The following ARSF variants were observed in gnomAD, a reference collection of about 807,000 sequenced individuals.
ARSF encodes arylsulfatase F.
ARSF carries 33 observed loss-of-function variants against 35.4 expected under a neutral mutation model. That is an observed-to-expected ratio of 0.93 (90% CI 0.71 to 1.25). ARSF has a LOEUF of 1.25. ARSF is among the 50% of genes most tolerant of loss of function. The pLI is 0.00. For missense variants in ARSF, 501 were observed against 480.2 expected (o/e 1.04, Z -0.40); for synonymous variants, 222 against 193.1 (o/e 1.15, Z -1.24).
intron 4 of ARSF, among the ~76,000 whole-genome samples, chrX:3,079,233 C>T (rs1309387014): frequency 9.0e-6 from 1 of 111,413 alleles, no homozygotes; most frequent in Non-Finnish European, 1.9e-5. Context: ...TATGAACATA[C>T]ATGTACAAGT....
chrX:3,078,897 A>G (rs762872384), intron 4 of ARSF, among the ~76,000 whole-genome samples: 1 of 110,697 alleles, frequency 9.0e-6, no homozygotes, highest in South Asian at 3.9e-4. Flanking sequence ...CATTTCCATC[A>G]CCCACAAAGG....
At chrX:3,096,630 G>A (rs1317612200) in intron 7 of ARSF, among the ~76,000 whole-genome samples, 1 of 111,777 alleles carries the variant, frequency 8.9e-6, no homozygotes, top group African/African-American at 3.2e-5. Flanking sequence ...CTATCAAAAA[G>A]ATAACTACAA....
chrX:3,058,195 G>C (rs1335664239), intron 1 of ARSF: 1 of 112,631 alleles, frequency 8.9e-6, no homozygotes, highest in African/African-American at 3.2e-5. Flanking sequence ...CTATGTTACT[G>C]TCTGTTTTTT....
rs200734138 is a variant in ARSF at position 3,072,179 on chromosome X, A to G, written c.161+4A>G. The G allele has an allele frequency of 4.1e-6, 5 of 1,207,096 alleles. No individual in the cohort carries two copies. Among genetic ancestry groups the G allele is most frequent in the Non-Finnish European group, 5.6e-6 (5 of 891,879 alleles). On this transcript the variant is annotated splice_donor_region_variant and intron_variant, in intron 3 of 10. Coordinates refer to ENST00000381127, the MANE Select transcript of ARSF (RefSeq NM_001201539.2). ...GCTACGGCAATGACACCATGAGGTA[A>G]GGCGGTTTCATGGCCAGTCATACGT... is the stretch of plus-strand genomic sequence containing the variant.
rs373298466 is a variant in ARSF, at chrX:3,057,104, A to AT, written c.-28-10963dup. Reference sequence around the variant, plus strand: ...CCCATCATTTGATAGATCCCTGGATATTTTTTCATAAAAAACACCCTAGCA... The same window carrying AT: ...CCCATCATTTGATAGATCCCTGGATATTTTTTTCATAAAAAACACCCTAGCA... On this transcript the variant is annotated intron_variant, in intron 1 of 10. Coordinates refer to ENST00000381127, the MANE Select transcript of ARSF (RefSeq NM_001201539.2). Among the ~76,000 whole-genome samples, 1,044 of 111,717 alleles carry AT rather than the reference A, an allele frequency of 9.3e-3. 16 individuals are homozygous for AT. The highest frequency in any genetic ancestry group is 0.032 in the African/African-American group (988 of 30,744).
In ARSF at chrX:3,093,127, T is replaced by C. The variant is rs755941096; in HGVS notation, c.967+3495T>C. Among the ~76,000 whole-genome samples, 73 of 111,586 alleles carry C rather than the reference T, an allele frequency of 6.5e-4. 1 individual carries two copies. The highest frequency in any genetic ancestry group is 1.1e-3 in the Non-Finnish European group (56 of 53,073). ...CTTGCAGTGGCCGAGATCGCGCCAC[T>C]GCACTCCAGCCTGGGCAACGGAGCG... On this transcript the variant is annotated intron_variant, in intron 7 of 10. Transcript: ENST00000381127.
At chrX:3,093,033 G>T (rs1471646795) in intron 7 of ARSF, among the ~76,000 whole-genome samples, 1 of 110,781 alleles carries the variant, frequency 9.0e-6, no homozygotes, top group Non-Finnish European at 1.9e-5. Context: ...ATCCGTGGTG[G>T]CGGGCGTCTG....
chrX:3,096,798 G>A (rs758782895), intron 7 of ARSF, among the ~76,000 whole-genome samples: 1 of 106,641 alleles, frequency 9.4e-6, no homozygotes. Flanking sequence ...GAAAGTTTGT[G>A]TTATGAGTTG....
In ARSF at chrX:3,109,303, G is replaced by A. The variant is rs182833099; in HGVS notation, c.1266-825G>A. 4.7e-3 allele frequency among the ~76,000 whole-genome samples: 520 copies of A among 111,267 alleles called. 3 individuals are homozygous for A. Among genetic ancestry groups the A allele is most frequent in the African/African-American group, 0.012 (376 of 30,663 alleles). ...CACTGCCCCTCAGCCTGGGAAACAAGAGTGAAACTCCATCTCAAAAAAAAT... is the reference window on the plus strand; with the variant it reads ...CACTGCCCCTCAGCCTGGGAAACAAAAGTGAAACTCCATCTCAAAAAAAAT... On this transcript the variant is annotated intron_variant, in intron 9 of 10. Coordinates refer to ENST00000381127, the MANE Select transcript of ARSF (RefSeq NM_001201539.2).
At chrX:3,102,487 C>T (rs1371128326) in intron 8 of ARSF, among the ~76,000 whole-genome samples, 2 of 112,490 alleles carry the variant, frequency 1.8e-5, no homozygotes, top group Non-Finnish European at 3.7e-5. Flanking sequence ...AGTAGAATTC[C>T]ATGGTGTATG....
chrX:3,102,007 G>A (rs1194498012), intron 8 of ARSF, among the ~76,000 whole-genome samples: 1 of 111,535 alleles, frequency 9.0e-6, no homozygotes, highest in African/African-American at 3.3e-5. Flanking sequence ...GTATGAATGA[G>A]GTAAAGGCTC....
At chrX:3,092,996 C>G (rs754385802) in intron 7 of ARSF, among the ~76,000 whole-genome samples, 2 of 110,945 alleles carry the variant, frequency 1.8e-5, no homozygotes, top group South Asian at 7.6e-4. Context: ...CACTGTGAAA[C>G]CCCGTCTCTA....
chrX:3,086,150 T>G, intron 6 of ARSF, among the ~76,000 whole-genome samples: 1 of 112,093 alleles, frequency 8.9e-6, no homozygotes, highest in Admixed American at 9.5e-5. Context: ...GTTCTATGAA[T>G]TTTTACAGAC....
chrX:3,074,409 C>T (rs373871465), intron 3 of ARSF, among the ~76,000 whole-genome samples: 1 of 111,156 alleles, frequency 9.0e-6, no homozygotes, highest in African/African-American at 3.3e-5. Context: ...TGGAACTTCT[C>T]CTTGCACCAG....
chrX:3,092,139 A>G (rs1005097652), intron 7 of ARSF, among the ~76,000 whole-genome samples: 1 of 108,175 alleles, frequency 9.2e-6, no homozygotes, highest in African/African-American at 3.4e-5. Flanking sequence ...AGATTGACAG[A>G]TACGTAGATG....
chrX:3,085,815 G>A (rs1272340151), intron 6 of ARSF, among the ~76,000 whole-genome samples: 1 of 110,835 alleles, frequency 9.0e-6, no homozygotes, highest in Non-Finnish European at 1.9e-5. Flanking sequence ...GGCTGGCAGC[G>A]GTGGCTCAGC....
chrX:3,076,708 T>C (rs984604269), intron 4 of ARSF, 39 bp downstream of exon 4: 142 of 1,188,063 alleles, frequency 1.2e-4, no homozygotes, highest in Non-Finnish European at 1.6e-4. Context: ...TCTGCCCTCA[T>C]GTTAGGATGT....
chrX:3,100,156 G>C (rs1338134288), intron 7 of ARSF, among the ~76,000 whole-genome samples: 1 of 112,126 alleles, frequency 8.9e-6, no homozygotes. Flanking sequence ...TCCCAACCTA[G>C]TCATCCTATT....
intron 1 of ARSF, among the ~76,000 whole-genome samples, chrX:3,051,942 A>G (rs1329936237): frequency 9.0e-6 from 1 of 111,067 alleles, no homozygotes; most frequent in Non-Finnish European, 1.9e-5. Flanking sequence ...GCAGTGAGCC[A>G]AGATTATACC....
Sources: allele counts gnomAD v4.1 joint callset (sites outside exome capture counted in the v4.1 genomes callset), GRCh38; gene constraint gnomAD v4.1.1; transcripts MANE v1.5; gene names NCBI Gene and HGNC (gene_info 2026-07-23, HGNC 2026-07-21).